Variants in ERICH5 observed in about 807,000 individuals in gnomAD.
The protein encoded by ERICH5 is glutamate-rich protein 5.
A neutral mutation model predicts 28.0 loss-of-function variants in ERICH5; 24 were observed. That is an observed-to-expected ratio of 0.86 (90% CI 0.62 to 1.21). The LOEUF is 1.21. Among genes scored for constraint, ERICH5 ranks in the 50% most tolerant of loss-of-function variants. The probability of loss-of-function intolerance (pLI) is 0.00; values close to 1 mark genes in which losing one functional copy is unlikely to be tolerated. For missense variants in ERICH5, 421 were observed against 441.2 expected (o/e 0.95, Z 0.41); for synonymous variants, 163 against 157.6 (o/e 1.03, Z -0.25).
chr8:98,070,526 C>A (rs1035483491), intron 1 of ERICH5, among the ~76,000 whole-genome samples: 17 of 150,018 alleles, frequency 1.1e-4, no homozygotes, highest in African/African-American at 4.2e-4. Context: ...GGTGTGGTGG[C>A]TAATTTTTTA....
chr8:98,064,569 G>C lies in ERICH5; in HGVS notation c.-101G>C. ...CTACGCCCAAGGGAGCCGGGCTGCA[G>C]AGCTGGAGAAACTTCCGCGGCTACG... On this transcript the variant is annotated 5_prime_UTR_variant, in exon 1 of 3. Coordinates refer to ENST00000318528, the MANE Select transcript of ERICH5 (RefSeq NM_173549.3). The C allele has an allele frequency of 9.5e-7, 1 of 1,051,236 alleles. No homozygotes were observed. Among genetic ancestry groups the C allele is most frequent in the South Asian group, 1.8e-5 (1 of 55,956 alleles). 65.1% of individuals were successfully genotyped at this position (1,051,236 alleles called of 1,614,324 possible). A position where few individuals can be genotyped will look rare whatever the true frequency, so the allele number is the denominator to read the frequency against.
chr8:98,073,480 A>AATTTTTTTTTTTTT (rs1563753467), intron 1 of ERICH5, among the ~76,000 whole-genome samples: 4 of 1,974 alleles, frequency 2.0e-3, no homozygotes, highest in Non-Finnish European at 2.7e-3. Flanking sequence ...ATATATATAT[A>AATTTTTTTTTTTTT]TATATGTATA....
chr8:98,071,594 C>T (rs1220853258), intron 1 of ERICH5, among the ~76,000 whole-genome samples: 1 of 152,154 alleles, frequency 6.6e-6, no homozygotes, highest in Admixed American at 6.5e-5. Context: ...CCTTCCACCT[C>T]AGCCTCCTAA....
chr8:98,073,847 G>C (rs894295247), intron 1 of ERICH5, among the ~76,000 whole-genome samples: 2 of 147,878 alleles, frequency 1.4e-5, no homozygotes, highest in Non-Finnish European at 3.0e-5. Flanking sequence ...CCAGCTTTTT[G>C]TGTTTGTTTA....
At chr8:98,070,814 A>G (rs1814903914) in intron 1 of ERICH5, among the ~76,000 whole-genome samples, 1 of 152,060 alleles carries the variant, frequency 6.6e-6, no homozygotes, top group South Asian at 2.1e-4. Context: ...TTACTCAGAA[A>G]AGCAGAGGAG....
At chr8:98,081,305 C>T (rs1051824616) in intron 1 of ERICH5, among the ~76,000 whole-genome samples, 4 of 151,926 alleles carry the variant, frequency 2.6e-5, no homozygotes, top group Admixed American at 6.6e-5. Flanking sequence ...CAGGTTTCGC[C>T]ATGTTGTCCA....
At chr8:98,090,600 GAAA>G (rs528115216) in intron 2 of ERICH5, among the ~76,000 whole-genome samples, 3 of 80,030 alleles carry the variant, frequency 3.7e-5, no homozygotes, top group Non-Finnish European at 7.8e-5. Context: ...TTGTTCTCCA[GAAA>G]AAAAAAAAAA....
chr8:98,091,887 T>TCTTC (rs1815400554), intron 2 of ERICH5, among the ~76,000 whole-genome samples: 2 of 84,352 alleles, frequency 2.4e-5, no homozygotes, highest in African/African-American at 1.0e-4. Context: ...TTTCTTTCTT[T>TCTTC]CTTTCTTTCT....
intron 2 of ERICH5, 83 bp from the exon 3 acceptor site, chr8:98,093,137 GC>G (rs5893451): frequency 0.095 from 83,437 of 878,012 alleles, 4,507 homozygotes; most frequent in Admixed American, 0.11. Flanking sequence ...ATCAAGAACT[GC>G]CCCCATTGGA....
At chr8:98,070,900 T>G (rs1814905951) in intron 1 of ERICH5, among the ~76,000 whole-genome samples, 1 of 151,544 alleles carries the variant, frequency 6.6e-6, no homozygotes, top group Admixed American at 6.6e-5. Flanking sequence ...TGTCGGGTTG[T>G]GTATAGAGCC....
Position 98,089,833 on chromosome 8 carries a change from C to CCCAA in ERICH5, c.816_817insCCAA (p.Arg273ProfsTer13), listed in dbSNP as rs1815349856. 6.2e-7 allele frequency: 1 copy of CCCAA among 1,613,986 alleles called. No individual in the cohort carries two copies. Among genetic ancestry groups the CCCAA allele is most frequent in the Non-Finnish European group, 8.5e-7 (1 of 1,180,040 alleles). On this transcript the variant is annotated frameshift_variant, in exon 2 of 3. Transcript: ENST00000318528. LOFTEE classifies it high-confidence loss of function. Reference sequence around the variant, plus strand: ...AGAATGTAACACCAGAAGTATTGGACAGAAGTCAGCTTGTGGAAAAGCCTG... The same window carrying CCCAA: ...AGAATGTAACACCAGAAGTATTGGACCCAAAGAAGTCAGCTTGTGGAAAAGCCTG...
At chr8:98,091,934 T>TCTC (rs1563759666) in intron 2 of ERICH5, among the ~76,000 whole-genome samples, 6 of 53,874 alleles carry the variant, frequency 1.1e-4, no homozygotes, top group African/African-American at 3.4e-4. Flanking sequence ...TCTTTCTTTC[T>TCTC]TCCTTTCTTT....
intron 1 of ERICH5, among the ~76,000 whole-genome samples, chr8:98,085,422 C>G (rs1345598149): frequency 6.6e-6 from 1 of 152,070 alleles, no homozygotes; most frequent in Non-Finnish European, 1.5e-5. Flanking sequence ...TTCGGCCTCC[C>G]AAAGTGCTGG....
At chr8:98,085,384 C>T (rs1815257176) in intron 1 of ERICH5, among the ~76,000 whole-genome samples, 2 of 151,634 alleles carry the variant, frequency 1.3e-5, no homozygotes, top group African/African-American at 4.8e-5. Context: ...AGGATGGTCT[C>T]GATATCCTGA....
chr8:98,071,914 TA>T (rs1389396524), intron 1 of ERICH5, among the ~76,000 whole-genome samples: 4 of 93,154 alleles, frequency 4.3e-5, no homozygotes, highest in Admixed American at 1.2e-4. Context: ...AGTTTTATTT[TA>T]TTTTTTTTTT....
chr8:98,081,250 C>T (rs1815179218), intron 1 of ERICH5, among the ~76,000 whole-genome samples: 1 of 151,992 alleles, frequency 6.6e-6, no homozygotes, highest in Admixed American at 6.6e-5. Context: ...GAACTACAGG[C>T]CTGCACCACC....
At position 98,090,086 on chromosome 8, in the gene ERICH5, C is replaced by T. The variant is rs1815357062; in HGVS notation, c.1012+57C>T. 2.3e-6 allele frequency: 3 copies of T among 1,321,182 alleles called. No individual in the cohort carries two copies. The South Asian group carries it at 4.1e-5, about 18-fold the overall frequency. 81.8% of individuals were successfully genotyped at this position (1,321,182 alleles called of 1,614,324 possible). On this transcript the variant is annotated intron_variant, in intron 2 of 2. Transcript: ENST00000318528. ...AGATGTGCTCCATAGGAGACCAGCTCTGGGGAGTGGGATGGGGTGACTGAC... is the reference window on the plus strand; with the variant it reads ...AGATGTGCTCCATAGGAGACCAGCTTTGGGGAGTGGGATGGGGTGACTGAC...
At chr8:98,084,942 G>C (rs894791507) in intron 1 of ERICH5, among the ~76,000 whole-genome samples, 2 of 151,798 alleles carry the variant, frequency 1.3e-5, no homozygotes, top group African/African-American at 4.8e-5. Context: ...AAGAGCCACC[G>C]TTCTGCTTTC....
chr8:98,075,674 G>A (rs191949998), intron 1 of ERICH5, among the ~76,000 whole-genome samples: 3 of 151,172 alleles, frequency 2.0e-5, no homozygotes, highest in South Asian at 2.1e-4. Flanking sequence ...GAGCCCCCAC[G>A]CTTGAGGCCC....
Sources: allele counts gnomAD v4.1 joint callset (sites outside exome capture counted in the v4.1 genomes callset), GRCh38; gene constraint gnomAD v4.1.1; transcripts MANE v1.5; gene names NCBI Gene and HGNC (gene_info 2026-07-23, HGNC 2026-07-21).